Variants in DNAAF9 observed in about 807,000 individuals in gnomAD.
The protein encoded by DNAAF9 is dynein axonemal assembly factor 9, also known as shulin.
DNAAF9 carries 90 observed loss-of-function variants against 167.0 expected under a neutral mutation model. The observed-to-expected ratio is 0.54, with a 90% CI of 0.45 to 0.64. The LOEUF (loss-of-function observed/expected upper bound fraction) is 0.64. DNAAF9 is among the 30% of genes least tolerant of loss of function. The pLI, the probability that DNAAF9 is intolerant of heterozygous loss-of-function variation, is 0.00. For synonymous variants in DNAAF9, 491 were observed against 508.8 expected (o/e 0.96, Z 0.47); for missense variants, 1,315 against 1,442.2 (o/e 0.91, Z 1.43).
intron 29 of DNAAF9, among the ~76,000 whole-genome samples, chr20:3,274,562 T>A (rs1216537681): frequency 6.6e-6 from 1 of 152,228 alleles, no homozygotes; most frequent in Non-Finnish European, 1.5e-5. Flanking sequence ...TACTAATGGG[T>A]GATACTAGAC....
intron 21 of DNAAF9, among the ~76,000 whole-genome samples, chr20:3,302,910 A>G (rs763761338): frequency 1.9e-4 from 29 of 152,204 alleles, no homozygotes; most frequent in Non-Finnish European, 3.7e-4. Flanking sequence ...GTATACTTTA[A>G]TAAGTTAAAT....
chr20:3,371,974 A>G (rs1004485184), intron 6 of DNAAF9, among the ~76,000 whole-genome samples: 2 of 152,190 alleles, frequency 1.3e-5, no homozygotes, highest in Non-Finnish European at 2.9e-5. Context: ...AAAATTATCT[A>G]TATCGATGAC....
rs1600893321 is a variant in DNAAF9, at chr20:3,379,700, T to A, written c.283+1679A>T. Among the ~76,000 whole-genome samples the A allele has an allele frequency of 2.0e-5, 3 of 152,290 alleles. No homozygotes were observed. The Middle Eastern group carries it at 0.01, about 518-fold the overall frequency. On this transcript the variant is annotated intron_variant, in intron 3 of 36. Coordinates refer to ENST00000252032, the MANE Select transcript of DNAAF9 (RefSeq NM_001009984.3). ...TGGTGATCTCTGCTTTCCAACTACTTGTATAAACAAATTTATTAATTTGTA... is the reference window on the plus strand; with the variant it reads ...TGGTGATCTCTGCTTTCCAACTACTAGTATAAACAAATTTATTAATTTGTA...
At chr20:3,298,243 C>T (rs1052350087) in intron 21 of DNAAF9, 68 bp from the exon 22 acceptor site, 1 of 1,261,402 alleles carries the variant, frequency 7.9e-7, no homozygotes, top group Non-Finnish European at 1.1e-6. Flanking sequence ...ACAACTACTG[C>T]CAGAACACAC....
intron 11 of DNAAF9, among the ~76,000 whole-genome samples, chr20:3,331,960 C>T (rs994489217): frequency 3.9e-5 from 6 of 152,212 alleles, no homozygotes; most frequent in South Asian, 2.1e-4. Flanking sequence ...AGGCGTGAGC[C>T]GCCATTCCTG....
chr20:3,275,199 G>A (rs1384124754), intron 29 of DNAAF9, among the ~76,000 whole-genome samples: 1 of 152,196 alleles, frequency 6.6e-6, no homozygotes, highest in Non-Finnish European at 1.5e-5. Context: ...TGGCAGACAT[G>A]GAAGCCATAT....
In DNAAF9 at chr20:3,287,754, T is replaced by C; in HGVS notation, c.2364A>G (p.Glu788=). ...TCTGGAAGTGTGCAGCATGAAAACA[T>C]TCAGAGCTGTCCATGATTTGGCGAT... ...MVYRQIMDSS[E]CFHAAHFQRY... is the part of the protein sequence containing the mutation. The change falls in exon 27 of 37, where the codon GAA becomes GAG. Residue 788 remains glutamate (E), a synonymous_variant. Coordinates refer to ENST00000252032, the MANE Select transcript of DNAAF9 (RefSeq NM_001009984.3). The C allele has an allele frequency of 6.2e-7, 1 of 1,614,162 alleles. No individual in the cohort carries two copies. Among genetic ancestry groups the C allele is most frequent in the Non-Finnish European group, 8.5e-7 (1 of 1,180,024 alleles).
Position 3,359,477 on chromosome 20 carries a change from G to A in DNAAF9, c.690+39C>T, listed in dbSNP as rs145552066. On this transcript the variant is annotated intron_variant, in intron 7 of 36. Transcript: ENST00000252032. ...TCACTAGCAGGTAACTGAGCTGGACGTAATACTAATATTTAAAAGTTACTG... is the reference window on the plus strand; with the variant it reads ...TCACTAGCAGGTAACTGAGCTGGACATAATACTAATATTTAAAAGTTACTG... The A allele has an allele frequency of 1.8e-3, 2,386 of 1,308,368 alleles. 32 individuals carry two copies. The African/African-American group carries it at 0.031, about 17-fold the overall frequency. The allele number at this position is 1,308,368 out of a possible 1,614,324, so 81.0% of individuals were successfully genotyped here.
In DNAAF9 at chr20:3,315,462, G is replaced by A. The variant is rs2069486158; in HGVS notation, c.1590+273C>T. Among the ~76,000 whole-genome samples, 1 of 152,178 alleles carries A rather than the reference G, an allele frequency of 6.6e-6. No homozygotes were observed. The highest frequency in any genetic ancestry group is 6.5e-5 in the Admixed American group (1 of 15,278). ...TTGATGTCTCAGCTCTACATGTCTA[G>A]GCCAATCTGGGATCTGCTTTTAATA... On this transcript the variant is annotated intron_variant, in intron 19 of 36. Coordinates refer to ENST00000252032, the MANE Select transcript of DNAAF9 (RefSeq NM_001009984.3). The surrounding 1 kb of genome is among the most constrained non-coding windows in gnomAD (Gnocchi z 4.1).
At chr20:3,326,661 C>T (rs1408028209) in intron 12 of DNAAF9, among the ~76,000 whole-genome samples, 1 of 151,214 alleles carries the variant, frequency 6.6e-6, no homozygotes, top group Non-Finnish European at 1.5e-5. Context: ...TGGAGGATCA[C>T]TTGAGCCTGG....
intron 16 of DNAAF9, among the ~76,000 whole-genome samples, 181 bp from the exon 17 acceptor site, chr20:3,318,581 C>A (rs6037547): frequency 0.2 from 29,940 of 152,068 alleles, 3,157 homozygotes; most frequent in African/African-American, 0.25. Context: ...TTAGGATCAC[C>A]CAGGCTTCCC....
chr20:3,383,372 G>A (rs2083689597), intron 1 of DNAAF9, among the ~76,000 whole-genome samples: 1 of 148,528 alleles, frequency 6.7e-6, no homozygotes, highest in South Asian at 2.1e-4. Context: ...AGGTTCAAGT[G>A]ATTCTCCCGC....
intron 7 of DNAAF9, among the ~76,000 whole-genome samples, chr20:3,356,246 G>A (rs2083285246): frequency 6.6e-6 from 1 of 152,140 alleles, no homozygotes; most frequent in East Asian, 1.9e-4. Flanking sequence ...TTGAACTCCT[G>A]ACCTCAGGTG....
At chr20:3,272,507 G>C (rs867977574) in intron 29 of DNAAF9, among the ~76,000 whole-genome samples, 1 of 152,172 alleles carries the variant, frequency 6.6e-6, no homozygotes, top group South Asian at 2.1e-4. Flanking sequence ...GGGATTACGG[G>C]CGTGAGCCAC....
At chr20:3,334,236 T>C (rs1344181764) in intron 10 of DNAAF9, among the ~76,000 whole-genome samples, 3 of 152,228 alleles carry the variant, frequency 2.0e-5, no homozygotes, top group Admixed American at 6.5e-5. Flanking sequence ...CCTAGACTTA[T>C]GTATCTAACC....
chr20:3,334,944 C>G (rs980745039), intron 10 of DNAAF9, among the ~76,000 whole-genome samples: 1 of 152,170 alleles, frequency 6.6e-6, no homozygotes, highest in African/African-American at 2.4e-5. Context: ...CATGACTATC[C>G]CTTCATCTAG....
intron 31 of DNAAF9, among the ~76,000 whole-genome samples, chr20:3,263,627 T>C (rs2068433174): frequency 6.6e-6 from 1 of 152,186 alleles, no homozygotes; most frequent in Admixed American, 6.5e-5. Context: ...CGGAATCCAC[T>C]TCACAGGATT....
At chr20:3,294,371 C>T (rs2069024672) in intron 24 of DNAAF9, 115 bp from the exon 25 acceptor site, 2 of 834,608 alleles carry the variant, frequency 2.4e-6, no homozygotes, top group East Asian at 2.4e-5. Flanking sequence ...GAGAGATTCT[C>T]TCTAGAGAAT....
intron 6 of DNAAF9, chr20:3,362,241 T>C: frequency 7.2e-7 from 1 of 1,382,442 alleles, no homozygotes; most frequent in Non-Finnish European, 1.0e-6. Flanking sequence ...TGTCATCTCC[T>C]ACTCCTTTCT....
Sources: allele counts gnomAD v4.1 joint callset (sites outside exome capture counted in the v4.1 genomes callset), GRCh38; gene constraint gnomAD v4.1.1; non-coding constraint Gnocchi (gnomAD v3.1); transcripts MANE v1.5; gene names NCBI Gene and HGNC (gene_info 2026-07-23, HGNC 2026-07-21).